Variants in ROR1 observed in about 807,000 individuals in gnomAD.
ROR1 encodes the protein inactive tyrosine-protein kinase transmembrane receptor ROR1.
Under a neutral mutation model 78.8 loss-of-function variants are expected in ROR1, and 19 were observed. That is an observed-to-expected ratio of 0.24 (90% CI 0.17 to 0.35). The LOEUF (loss-of-function observed/expected upper bound fraction) is 0.35, where lower values mean the gene tolerates loss of function less well. Ranked by LOEUF, ROR1 falls within the 10% of genes least tolerant of loss-of-function variation. The probability of loss-of-function intolerance (pLI) is 1.00; values close to 1 mark genes in which losing one functional copy is unlikely to be tolerated. For missense variants in ROR1, 917 were observed against 1,177.8 expected, an observed-to-expected ratio of 0.78 and a Z score of 3.24; for synonymous variants, 386 against 433.6, an observed-to-expected ratio of 0.89 and a Z score of 1.36.
chr1:63,918,858 C>T (rs1341473284), intron 1 of ROR1, among the ~76,000 whole-genome samples: 1 of 152,102 alleles, frequency 6.6e-6, no homozygotes, highest in Non-Finnish European at 1.5e-5. Flanking sequence ...ATCTGGGTCC[C>T]AAAATCGGTG....
At chr1:63,963,042 C>T (rs79271495) in intron 1 of ROR1, among the ~76,000 whole-genome samples, 3,821 of 152,184 alleles carry the variant, frequency 0.025, 163 homozygotes, top group African/African-American at 0.088. Flanking sequence ...ACTAGATAGA[C>T]GATAGTGCCT....
At chr1:63,886,122 G>A (rs1433671040) in intron 1 of ROR1, among the ~76,000 whole-genome samples, 1 of 152,116 alleles carries the variant, frequency 6.6e-6, no homozygotes, top group East Asian at 1.9e-4. Context: ...TAGAGTTCAC[G>A]CTCCTATGAG....
At chr1:63,902,587 G>C (rs1645494691) in intron 1 of ROR1, among the ~76,000 whole-genome samples, 1 of 152,000 alleles carries the variant, frequency 6.6e-6, no homozygotes, top group South Asian at 2.1e-4. Flanking sequence ...GCCCCCCAAA[G>C]TGCTGAGATT....
chr1:63,869,834 T>C (rs1645240432), intron 1 of ROR1, among the ~76,000 whole-genome samples: 1 of 152,174 alleles, frequency 6.6e-6, no homozygotes. Context: ...ATCTTGCAAC[T>C]GGACATAGTT....
At chr1:64,072,408 C>T (rs915704401) in intron 4 of ROR1, among the ~76,000 whole-genome samples, 5 of 152,122 alleles carry the variant, frequency 3.3e-5, no homozygotes, top group Admixed American at 2.0e-4. Flanking sequence ...TATCAGTTCT[C>T]ACTGCAGTAG....
chr1:64,176,634 G>A (rs572953642), intron 8 of ROR1, among the ~76,000 whole-genome samples: 1 of 152,296 alleles, frequency 6.6e-6, no homozygotes, highest in Non-Finnish European at 1.5e-5. Context: ...TCACAGTAAA[G>A]GCAAAAGAGT....
At position 64,059,142 on chromosome 1, in the gene ROR1, T is replaced by G. The variant is rs368549584; in HGVS notation, c.482+8426T>G. ...CATTCTTTTAATTTCTGTAACATCA[T>G]TAATGATAGTCCCTTTTTTATTCCT... On this transcript the variant is annotated intron_variant, in intron 4 of 8. Transcript: ENST00000371079. 1.2e-3 allele frequency among the ~76,000 whole-genome samples: 178 copies of G among 152,340 alleles called. 1 individual carries two copies. The highest frequency in any genetic ancestry group is 4.0e-3 in the African/African-American group (166 of 41,578).
chr1:64,017,868 T>C (rs1343527952), intron 2 of ROR1, among the ~76,000 whole-genome samples: 1 of 152,176 alleles, frequency 6.6e-6, no homozygotes, highest in Non-Finnish European at 1.5e-5. Flanking sequence ...TTATCTACCT[T>C]ATATCTTGAG....
In ROR1 at chr1:64,178,437, A is replaced by G; in HGVS notation, c.2396A>G (p.Gln799Arg). The change falls in exon 9 of 9, where the codon CAG becomes CGG. Residue 799 changes from glutamine (Q) to arginine (R), a missense_variant. By Grantham distance (43) the Gln-to-Arg change is conservative. Around this residue, in one of 3 missense-constraint regions of ROR1, gnomAD observed 835 missense variants for 1,069.8 expected, o/e 0.78. Transcript: ENST00000371079. This position sits in a 1 kb window ranked among gnomAD's most constrained non-coding sequence, Gnocchi z 4.3. ...YMFPSQGITP[Q>R]GQIAGFIGPP... ...TTCCCGAGCCAGGGTATTACACCACAGGGCCAGATTGCTGGTTTCATTGGC... is the reference window on the plus strand; with the variant it reads ...TTCCCGAGCCAGGGTATTACACCACGGGGCCAGATTGCTGGTTTCATTGGC... 6.2e-7 allele frequency: 1 copy of G among 1,614,170 alleles called. No individual in the cohort carries two copies. The highest frequency in any genetic ancestry group is 8.5e-7 in the Non-Finnish European group (1 of 1,180,032).
Position 64,140,128 on chromosome 1 carries a change from C to A in ROR1, c.630C>A (p.Gly210=). The A allele has an allele frequency of 6.2e-7, 1 of 1,612,302 alleles. No individual in the cohort carries two copies. The change falls in exon 6 of 9, where the codon GGC becomes GGA. Residue 210 remains glycine (G), a synonymous_variant. Transcript: ENST00000371079. The part of the protein sequence containing the change: ...NQITAAFTMI[G]TSSHLSDKCS... ...TTCCAGCTGCCTTCACTATGATTGG[C>A]ACTTCCAGTCACTTATCTGATAAGT...
intron 1 of ROR1, among the ~76,000 whole-genome samples, chr1:63,800,959 C>T (rs1644793228): frequency 8.0e-6 from 1 of 125,270 alleles, no homozygotes. Flanking sequence ...GGGTATTTTG[C>T]TAGGTTTTTT....
chr1:63,943,668 G>A (rs1645859589), intron 1 of ROR1, among the ~76,000 whole-genome samples: 1 of 152,210 alleles, frequency 6.6e-6, no homozygotes, highest in South Asian at 2.1e-4. Flanking sequence ...CACCAAGCTG[G>A]CTGGTCACAT....
At chr1:64,138,172 C>A (rs183951997) in intron 5 of ROR1, among the ~76,000 whole-genome samples, 2 of 152,318 alleles carry the variant, frequency 1.3e-5, no homozygotes, top group Admixed American at 1.3e-4. Context: ...GTTACAGCAG[C>A]TTTGTCCCCT....
chr1:63,947,167 G>A lies in ROR1; in HGVS notation c.92-62138G>A, dbSNP rs145087054. 5.6e-3 allele frequency among the ~76,000 whole-genome samples: 855 copies of A among 152,252 alleles called. 7 individuals are homozygous for A. The highest frequency in any genetic ancestry group is 0.02 in the African/African-American group (825 of 41,542). On this transcript the variant is annotated intron_variant, in intron 1 of 8. Coordinates refer to ENST00000371079, the MANE Select transcript of ROR1 (RefSeq NM_005012.4). Reference sequence around the variant, plus strand: ...TACTCTGATAGACTAAACACACGTTGCCCATGTTGGCCCAGGAGCAGCAGT... The same window carrying A: ...TACTCTGATAGACTAAACACACGTTACCCATGTTGGCCCAGGAGCAGCAGT...
At chr1:63,879,960 T>G (rs1645312417) in intron 1 of ROR1, among the ~76,000 whole-genome samples, 1 of 152,116 alleles carries the variant, frequency 6.6e-6, no homozygotes, top group Non-Finnish European at 1.5e-5. Flanking sequence ...GGAGTGAGGA[T>G]CTTTCCTTTA....
Position 64,014,724 on chromosome 1 carries a change from TATAC to T in ROR1, c.163+5350_163+5353del, listed in dbSNP as rs1359368366. 4.3e-4 allele frequency among the ~76,000 whole-genome samples: 18 copies of T among 41,692 alleles called. 1 individual carries two copies. The highest frequency in any genetic ancestry group is 1.4e-3 in the African/African-American group (18 of 12,498). The allele number at this position is 41,692 out of a possible 152,430, so 27.4% of individuals were successfully genotyped here. ...TCTGTGCTGACAGACTATATATATA[TATAC>T]ACATACGCACACTATATATATATAT... On this transcript the variant is annotated intron_variant, in intron 2 of 8. Coordinates refer to ENST00000371079, the MANE Select transcript of ROR1 (RefSeq NM_005012.4).
intron 1 of ROR1, among the ~76,000 whole-genome samples, chr1:63,954,671 T>G (rs1275517076): frequency 1.3e-5 from 2 of 152,228 alleles, no homozygotes; most frequent in Admixed American, 1.3e-4. Flanking sequence ...TTGTCATTAC[T>G]TCCTAAACAA....
chr1:63,994,234 CTTACTATATTGTA>C (rs900859753), intron 1 of ROR1, among the ~76,000 whole-genome samples: 33 of 151,966 alleles, frequency 2.2e-4, no homozygotes, highest in African/African-American at 7.5e-4. Context: ...GGAAATTTTG[CTTACTATATTGTA>C]GCCCTTTGCC....
intron 1 of ROR1, among the ~76,000 whole-genome samples, chr1:63,860,083 T>C (rs1425629487): frequency 6.6e-6 from 1 of 152,208 alleles, no homozygotes; most frequent in Non-Finnish European, 1.5e-5. Flanking sequence ...TGTTATGCAG[T>C]GTCATGCTAT....
Sources: gnomAD v4.1 joint callset for allele counts (sites outside exome capture counted in the v4.1 genomes callset) on GRCh38, gnomAD v4.1.1 for gene constraint, gnomAD v4.1.1 regional missense constraint, Gnocchi (gnomAD v3.1) non-coding constraint, MANE v1.5 for transcripts, NCBI Gene and HGNC (gene_info 2026-07-23, HGNC 2026-07-21) for gene names.